Variants in ETNK1 observed in about 807,000 individuals in gnomAD.
ETNK1 encodes ethanolamine kinase 1, also known as putative protein product of Nbla10396.
A neutral mutation model predicts 45.1 loss-of-function variants in ETNK1; 8 were observed. The ratio of observed to expected loss-of-function variants is 0.18; its 90% CI spans 0.10 to 0.32. The LOEUF is 0.32. Among genes scored for constraint, ETNK1 ranks in the 10% least tolerant of loss-of-function variants. ETNK1 has a pLI of 1.00. For missense variants in ETNK1, 302 were observed against 430.6 expected, an observed-to-expected ratio of 0.70 and a Z score of 2.64; for synonymous variants, 152 against 151.9, an observed-to-expected ratio of 1.00 and a Z score of -0.01.
rs1954261287 is a variant in ETNK1 at position 22,686,452 on chromosome 12, T to C, written c.*1498T>C. The stretch of plus-strand genomic sequence containing the variant: ...CCTCTGAGAAATCTTCTGAGGAGTC[T>C]AATGTATTCCAAATGACTTAATATT... On this transcript the variant is annotated 3_prime_UTR_variant, in exon 8 of 8. Transcript: ENST00000266517. 3.3e-5 allele frequency: 5 copies of C among 152,500 alleles called. No homozygotes were observed. The South Asian group carries it at 1.0e-3, about 32-fold the overall frequency. 9.4% of individuals were successfully genotyped at this position (152,500 alleles called of 1,614,324 possible).
At chr12:22,671,572 C>G (rs1372777225) in intron 5 of ETNK1, among the ~76,000 whole-genome samples, 1 of 151,960 alleles carries the variant, frequency 6.6e-6, no homozygotes, top group Non-Finnish European at 1.5e-5. Flanking sequence ...GGCGCGGTGG[C>G]TCACGCCTGT....
intron 1 of ETNK1, among the ~76,000 whole-genome samples, chr12:22,637,701 A>G (rs1211774627): frequency 1.3e-5 from 2 of 152,224 alleles, no homozygotes; most frequent in African/African-American, 2.4e-5. Flanking sequence ...TAAGCCAGTT[A>G]TTAGTTACAG....
At chr12:22,638,361 C>T (rs1036852270) in intron 1 of ETNK1, 5 of 151,708 alleles carry the variant, frequency 3.3e-5, no homozygotes, top group Admixed American at 2.6e-4. Context: ...AAATGATTCT[C>T]CTGCCTCAGC....
intron 1 of ETNK1, among the ~76,000 whole-genome samples, chr12:22,630,286 A>G (rs748534313): frequency 3.3e-5 from 5 of 152,194 alleles, no homozygotes; most frequent in Non-Finnish European, 5.9e-5. Flanking sequence ...TCCCATCCCA[A>G]CTGAGAGAAT....
chr12:22,662,631 C>T (rs1427632962), intron 4 of ETNK1, among the ~76,000 whole-genome samples: 2 of 152,082 alleles, frequency 1.3e-5, no homozygotes, highest in Non-Finnish European at 2.9e-5. Context: ...TTTGTGGCCT[C>T]AAGTGATCCT....
chr12:22,625,836 C>T (rs887407546), intron 1 of ETNK1: 1 of 699,254 alleles, frequency 1.4e-6, no homozygotes, highest in Non-Finnish European at 2.6e-6. Context: ...AAGTGACGGA[C>T]CCATCCACGG....
intron 1 of ETNK1, among the ~76,000 whole-genome samples, chr12:22,635,498 A>G (rs1158988524): frequency 6.6e-6 from 1 of 152,238 alleles, no homozygotes; most frequent in Non-Finnish European, 1.5e-5. Flanking sequence ...GGTGACTATG[A>G]TACCAAGATA....
intron 3 of ETNK1, among the ~76,000 whole-genome samples, chr12:22,659,844 A>G (rs1210921538): frequency 1.3e-5 from 2 of 152,124 alleles, no homozygotes; most frequent in African/African-American, 4.8e-5. Context: ...GATTCTTTGG[A>G]AAAGCTGGAG....
Position 22,686,077 on chromosome 12 carries a change from T to C in ETNK1, c.*1123T>C, listed in dbSNP as rs1954258247. ...AGTTATATAATTAAATAAGGAACACTTAGGGCATTGATCTTGTACACTTAA... is the reference window on the plus strand; with the variant it reads ...AGTTATATAATTAAATAAGGAACACCTAGGGCATTGATCTTGTACACTTAA... On this transcript the variant is annotated 3_prime_UTR_variant, in exon 8 of 8. Transcript: ENST00000266517. The C allele has an allele frequency of 6.6e-6, 1 of 152,286 alleles. No homozygotes were observed. Among genetic ancestry groups the C allele is most frequent in the Admixed American group, 6.6e-5 (1 of 15,230 alleles). The allele number at this position is 152,286 out of a possible 1,614,324, so 9.4% of individuals were successfully genotyped here.
intron 5 of ETNK1, 82 bp from the exon 6 acceptor site, chr12:22,673,418 A>T (rs1426769427): frequency 9.5e-7 from 1 of 1,047,420 alleles, no homozygotes; most frequent in Non-Finnish European, 1.3e-6. Flanking sequence ...TTTATGAAAA[A>T]ATGGTGGTTT....
intron 1 of ETNK1, chr12:22,638,861 C>T (rs908539505): frequency 2.0e-5 from 3 of 152,208 alleles, no homozygotes; most frequent in African/African-American, 7.2e-5. Context: ...AAGCAAATCT[C>T]AGTCAGACCT....
At chr12:22,642,017 T>A (rs1293734081) in intron 1 of ETNK1, among the ~76,000 whole-genome samples, 2 of 152,160 alleles carry the variant, frequency 1.3e-5, no homozygotes, top group Non-Finnish European at 2.9e-5. Flanking sequence ...AATTTAGGGA[T>A]AATAAGAGAA....
At chr12:22,642,015 G>A (rs941960053) in intron 1 of ETNK1, among the ~76,000 whole-genome samples, 1 of 152,038 alleles carries the variant, frequency 6.6e-6, no homozygotes, top group Non-Finnish European at 1.5e-5. Context: ...TCAATTTAGG[G>A]ATAATAAGAG....
chr12:22,656,763 G>A (rs987280912), intron 2 of ETNK1: 12 of 981,782 alleles, frequency 1.2e-5, no homozygotes, highest in Non-Finnish European at 1.5e-5. Flanking sequence ...TATTAGAAAT[G>A]ATATTATTTT....
At chr12:22,680,893 C>T (rs982955242) in intron 6 of ETNK1, among the ~76,000 whole-genome samples, 2 of 50,026 alleles carry the variant, frequency 4.0e-5, no homozygotes, top group Non-Finnish European at 7.1e-5. Context: ...CTTTTCTTCC[C>T]CCGCCCCCCC....
At chr12:22,631,842 C>T (rs995715502) in intron 1 of ETNK1, among the ~76,000 whole-genome samples, 2 of 152,004 alleles carry the variant, frequency 1.3e-5, no homozygotes, top group African/African-American at 4.8e-5. Flanking sequence ...ATTTTGTTTT[C>T]TAAGGAGTTA....
rs566868493 is a variant in ETNK1, at chr12:22,690,077, A to G, written c.*5123A>G. 2 of 152,610 alleles carry G rather than the reference A, an allele frequency of 1.3e-5. No individual in the cohort carries two copies. The highest frequency in any genetic ancestry group is 4.8e-5 in the African/African-American group (2 of 41,528). The allele number at this position is 152,610 out of a possible 1,614,324, so 9.5% of individuals were successfully genotyped here. On this transcript the variant is annotated 3_prime_UTR_variant, in exon 8 of 8. Transcript: ENST00000266517. The stretch of plus-strand genomic sequence containing the variant: ...AAAAGAATGAAATTGGGTAACTGTC[A>G]TTGCGTTAGCTTTATGTTGAATTGG...
intron 1 of ETNK1, among the ~76,000 whole-genome samples, chr12:22,630,203 AAT>A (rs1592109231): frequency 6.6e-6 from 1 of 152,340 alleles, no homozygotes; most frequent in East Asian, 1.9e-4. Flanking sequence ...TAGTCATGAG[AAT>A]TCAATGAAAT....
intron 1 of ETNK1, among the ~76,000 whole-genome samples, chr12:22,633,396 C>T (rs1469609393): frequency 6.6e-6 from 1 of 152,150 alleles, no homozygotes; most frequent in African/African-American, 2.4e-5. Flanking sequence ...CTGTTTTGTC[C>T]GTTACTGTAG....
Sources: gnomAD v4.1 joint callset for allele counts (sites outside exome capture counted in the v4.1 genomes callset) on GRCh38, gnomAD v4.1.1 for gene constraint, MANE v1.5 for transcripts, NCBI Gene and HGNC (gene_info 2026-07-23, HGNC 2026-07-21) for gene names.